Variants in ANO2 observed in about 807,000 individuals in gnomAD.
The protein encoded by ANO2 is anoctamin 2, also known as anoctamin-2.
A neutral mutation model predicts 124.2 loss-of-function variants in ANO2; 101 were observed. That is an observed-to-expected ratio of 0.81 (90% CI 0.69 to 0.96). The LOEUF is 0.96. Ranked by LOEUF, ANO2 falls within the 40% of genes least tolerant of loss-of-function variation. The probability of loss-of-function intolerance (pLI) is 0.00; values close to 1 mark genes in which losing one functional copy is unlikely to be tolerated. For missense variants in ANO2, 1,293 were observed against 1,274.5 expected (o/e 1.01, Z -0.22); for synonymous variants, 486 against 482.5 (o/e 1.01, Z -0.09).
At chr12:5,922,893 C>T (rs1591796958) in intron 1 of ANO2, 89 bp from the exon 2 acceptor site, 2 of 1,318,962 alleles carry the variant, frequency 1.5e-6, no homozygotes, top group Non-Finnish European at 9.9e-7. Flanking sequence ...AGACACTAGC[C>T]CTGAGAAAAT....
At chr12:5,800,956 T>A (rs1221599994) in intron 9 of ANO2, among the ~76,000 whole-genome samples, 1 of 151,650 alleles carries the variant, frequency 6.6e-6, no homozygotes, top group African/African-American at 2.4e-5. Context: ...GTCAAGAGGG[T>A]GATGAAGAAT....
chr12:5,642,981 A>C (rs1414446845), intron 15 of ANO2, among the ~76,000 whole-genome samples: 1 of 152,200 alleles, frequency 6.6e-6, no homozygotes, highest in African/African-American at 2.4e-5. Context: ...CATCTTAATG[A>C]GAACTTACCT....
intron 14 of ANO2, among the ~76,000 whole-genome samples, chr12:5,678,742 TG>T (rs1477686338): frequency 1.3e-5 from 2 of 152,246 alleles, no homozygotes; most frequent in Non-Finnish European, 2.9e-5. Flanking sequence ...CACCTTCTCC[TG>T]ATCAACATTT....
At chr12:5,697,825 G>C (rs900076047) in intron 14 of ANO2, among the ~76,000 whole-genome samples, 2 of 152,234 alleles carry the variant, frequency 1.3e-5, no homozygotes, top group Non-Finnish European at 2.9e-5. Flanking sequence ...ACCTGGCTCG[G>C]AGGGTCCCAC....
intron 3 of ANO2, among the ~76,000 whole-genome samples, chr12:5,881,246 A>G (rs1938482554): frequency 6.6e-6 from 1 of 152,136 alleles, no homozygotes; most frequent in African/African-American, 2.4e-5. Context: ...TTTTTAACAC[A>G]CACCATCTAA....
chr12:5,759,754 G>T (rs534965347), intron 10 of ANO2, among the ~76,000 whole-genome samples: 1 of 151,272 alleles, frequency 6.6e-6, no homozygotes, highest in African/African-American at 2.4e-5. Context: ...AAAAGGTTGC[G>T]GACTGCTGCC....
chr12:5,615,206 A>G lies in ANO2; in HGVS notation c.1908T>C (p.Tyr636=). The change falls in exon 17 of 25, where the codon TAT becomes TAC. Residue 636 remains tyrosine, a synonymous_variant. Coordinates refer to ENST00000682330, the MANE Select transcript of ANO2 (RefSeq NM_001364791.2). ...CTCACCTCCCTTTGAAAAAGGCCAC[A>G]TAGAAGATGGGGGAGTAGGCATTGA... is the stretch of plus-strand genomic sequence containing the variant. ...KFVNAYSPIF[Y]VAFFKGRFVG... is the part of the protein sequence containing the mutation. The G allele has an allele frequency of 6.2e-7, 1 of 1,613,590 alleles. No homozygotes were observed. The highest frequency in any genetic ancestry group is 1.1e-5 in the South Asian group (1 of 90,916).
intron 17 of ANO2, among the ~76,000 whole-genome samples, chr12:5,613,989 G>A (rs950794219): frequency 6.6e-6 from 1 of 152,182 alleles, no homozygotes; most frequent in Non-Finnish European, 1.5e-5. Context: ...AGGGGGCTGT[G>A]GTTTGGATGA....
chr12:5,931,480 G>A (rs976270021), intron 1 of ANO2, among the ~76,000 whole-genome samples: 4 of 151,928 alleles, frequency 2.6e-5, no homozygotes, highest in African/African-American at 9.7e-5. Context: ...AGGAAGGAAG[G>A]CCTATAAGGA....
chr12:5,829,368 G>A (rs1201968589), intron 6 of ANO2, among the ~76,000 whole-genome samples: 1 of 152,062 alleles, frequency 6.6e-6, no homozygotes, highest in African/African-American at 2.4e-5. Context: ...AAAAAAAAGA[G>A]ATCTATGCCC....
chr12:5,911,632 C>T (rs1941055435), intron 3 of ANO2, among the ~76,000 whole-genome samples: 1 of 152,192 alleles, frequency 6.6e-6, no homozygotes, highest in African/African-American at 2.4e-5. Context: ...CAAGTACAGT[C>T]GTACCAGGAA....
chr12:5,881,323 G>A (rs12298741), intron 3 of ANO2, among the ~76,000 whole-genome samples: 1,912 of 152,162 alleles, frequency 0.013, 32 homozygotes, highest in African/African-American at 0.044. Context: ...GAGTACATGT[G>A]CATCTACCCT....
intron 20 of ANO2, among the ~76,000 whole-genome samples, chr12:5,590,546 C>G (rs1350621656): frequency 2.6e-5 from 4 of 152,198 alleles, no homozygotes; most frequent in Non-Finnish European, 5.9e-5. Flanking sequence ...TGGGCCCTTC[C>G]CTGCCTTGTT....
At chr12:5,708,008 A>G (rs997892309) in intron 14 of ANO2, among the ~76,000 whole-genome samples, 6 of 152,112 alleles carry the variant, frequency 3.9e-5, no homozygotes, top group African/African-American at 1.4e-4. Flanking sequence ...TTTTATAAAC[A>G]CCTGGATTCA....
chr12:5,927,927 C>A (rs903099554), intron 1 of ANO2, among the ~76,000 whole-genome samples: 1 of 152,238 alleles, frequency 6.6e-6, no homozygotes, highest in South Asian at 2.1e-4. Context: ...GAGGGGCAGG[C>A]ACAGAATGTG....
In ANO2 at chr12:5,729,373, A is replaced by G. The variant is rs1271664572; in HGVS notation, c.1545+3147T>C. 2.6e-5 allele frequency among the ~76,000 whole-genome samples: 4 copies of G among 152,210 alleles called. No individual in the cohort carries two copies. The East Asian group carries it at 7.7e-4, about 29-fold the overall frequency. ...AAGGATTTGAATAGATATTTTTCCAAAGAAGACATGCAAATGACCATTAAT... is the reference window on the plus strand; with the variant it reads ...AAGGATTTGAATAGATATTTTTCCAGAGAAGACATGCAAATGACCATTAAT... On this transcript the variant is annotated intron_variant, in intron 14 of 24. Coordinates refer to ENST00000682330, the MANE Select transcript of ANO2 (RefSeq NM_001364791.2).
intron 13 of ANO2, 70 bp downstream of exon 13, chr12:5,739,247 A>G (rs1392197009): frequency 3.8e-6 from 5 of 1,329,874 alleles, no homozygotes; most frequent in Non-Finnish European, 5.3e-6. Flanking sequence ...CACTCAAGAG[A>G]GTCCATTTCC....
chr12:5,669,957 G>A (rs1947910392), intron 14 of ANO2, among the ~76,000 whole-genome samples: 1 of 152,200 alleles, frequency 6.6e-6, no homozygotes, highest in Non-Finnish European at 1.5e-5. Flanking sequence ...TGAATACATG[G>A]TTATTACAAC....
At chr12:5,845,428 G>T (rs1163666207) in intron 4 of ANO2, among the ~76,000 whole-genome samples, 1 of 151,188 alleles carries the variant, frequency 6.6e-6, no homozygotes, top group Non-Finnish European at 1.5e-5. Context: ...TTAGCTGGGC[G>T]TGGTGGCAGG....
Sources: gnomAD v4.1 joint callset for allele counts (sites outside exome capture counted in the v4.1 genomes callset) on GRCh38, gnomAD v4.1.1 for gene constraint, MANE v1.5 for transcripts, NCBI Gene and HGNC (gene_info 2026-07-23, HGNC 2026-07-21) for gene names.